USP4: variants seen among roughly 807,000 people sequenced by gnomAD.
USP4 encodes the protein ubiquitin specific peptidase 4.
A neutral mutation model predicts 118.2 loss-of-function variants in USP4; 72 were observed. The observed-to-expected ratio is 0.61, with a 90% CI of 0.50 to 0.74. USP4 has a LOEUF of 0.74. Ranked by LOEUF, USP4 falls within the 30% of genes least tolerant of loss-of-function variation. The pLI is 0.00. For synonymous variants in USP4, 415 were observed against 440.4 expected, an observed-to-expected ratio of 0.94 and a Z score of 0.72; for missense variants, 1,037 against 1,185.7, an observed-to-expected ratio of 0.87 and a Z score of 1.84.
In USP4 at chr3:49,277,420, T is replaced by G. The variant is rs1248163110; in HGVS notation, c.*873A>C. ...GCAGGGATGAGGAAAGAACCCGTTC[T>G]AGAAAGCATCTGGGTAACACCAAAA... On this transcript the variant is annotated 3_prime_UTR_variant, in exon 22 of 22. Coordinates refer to ENST00000265560, the MANE Select transcript of USP4 (RefSeq NM_003363.4). The G allele has an allele frequency of 3.1e-6, 1 of 324,524 alleles. No homozygotes were observed. Among genetic ancestry groups the G allele is most frequent in the Non-Finnish European group, 5.9e-6 (1 of 168,554 alleles). The allele number at this position is 324,524 out of a possible 1,614,324, so 20.1% of individuals were successfully genotyped here.
chr3:49,330,533 A>G (rs186307418), intron 2 of USP4, among the ~76,000 whole-genome samples: 44 of 151,420 alleles, frequency 2.9e-4, no homozygotes, highest in African/African-American at 8.7e-4. Flanking sequence ...GGGTTTCACC[A>G]TGTTAGCCAG....
chr3:49,318,547 G>C, intron 6 of USP4: 1 of 985,346 alleles, frequency 1.0e-6, no homozygotes, highest in Non-Finnish European at 1.2e-6. Context: ...AATTCACATG[G>C]AAGAGAAAAC....
chr3:49,300,075 T>C (rs1239756033), intron 11 of USP4, among the ~76,000 whole-genome samples: 1 of 151,996 alleles, frequency 6.6e-6, no homozygotes, highest in Non-Finnish European at 1.5e-5. Context: ...GTCTCTACTA[T>C]GTCTCTACTA....
rs1383113434 is a variant in USP4, at chr3:49,298,644, C to A, written c.1513-9G>T. 6.2e-7 allele frequency: 1 copy of A among 1,613,888 alleles called. No individual in the cohort carries two copies. Among genetic ancestry groups the A allele is most frequent in the Admixed American group, 1.7e-5 (1 of 60,006 alleles). On this transcript the variant is annotated splice_polypyrimidine_tract_variant and intron_variant, in intron 11 of 21. Coordinates refer to ENST00000265560, the MANE Select transcript of USP4 (RefSeq NM_003363.4). Reference sequence around the variant, plus strand: ...GGCACAGTCACACGGTACTGCAAGACAGAGATGGTCAAGGTCACAGGGGTG... The same window carrying A: ...GGCACAGTCACACGGTACTGCAAGAAAGAGATGGTCAAGGTCACAGGGGTG...
intron 19 of USP4, among the ~76,000 whole-genome samples, chr3:49,283,512 G>A (rs1179669315): frequency 6.6e-6 from 1 of 151,992 alleles, no homozygotes; most frequent in Non-Finnish European, 1.5e-5. Context: ...TGTACTGTGG[G>A]GCTTGAGAGG....
Position 49,335,530 on chromosome 3 carries a change from C to T in USP4, c.168G>A (p.Met56Ile), listed in dbSNP as rs988984184. The change falls in exon 2 of 22, where the codon ATG (methionine) becomes ATA (isoleucine). Residue 56 changes from methionine (M) to isoleucine (I), a missense_variant. Coordinates refer to ENST00000265560, the MANE Select transcript of USP4 (RefSeq NM_003363.4). ...ATAGGTTATGTTCACCCACATTGTA[C>T]ATGTCCCAGCTGTCAAAGCCCACAT... is the stretch of plus-strand genomic sequence containing the variant. ...KKYVGFDSWD[M>I]YNVGEHNLFP... 6.2e-6 allele frequency: 10 copies of T among 1,614,108 alleles called. No homozygotes were observed. The Admixed American group carries it at 8.3e-5, about 13-fold the overall frequency.
intron 1 of USP4, 40 bp from the exon 2 acceptor site, chr3:49,335,636 G>C: frequency 6.2e-7 from 1 of 1,611,030 alleles, no homozygotes; most frequent in Non-Finnish European, 8.5e-7. Flanking sequence ...GAAAAGCTGA[G>C]ATTATAAATT....
rs975458019 is a variant in USP4, at chr3:49,305,681, G to T, written c.1128+34C>A. The T allele has an allele frequency of 3.3e-6, 5 of 1,525,192 alleles. No homozygotes were observed. In the South Asian group the frequency reaches 6.5e-5, roughly 20 times the overall value. 94.5% of individuals were successfully genotyped at this position (1,525,192 alleles called of 1,614,324 possible). ...CTGGTCCCAGGCATCTATATACAGG[G>T]ATACCCAACCCATATATATATATGT... On this transcript the variant is annotated intron_variant, in intron 9 of 21. Coordinates refer to ENST00000265560, the MANE Select transcript of USP4 (RefSeq NM_003363.4).
At chr3:49,307,271 A>G (rs1286098309) in intron 8 of USP4, among the ~76,000 whole-genome samples, 1 of 151,486 alleles carries the variant, frequency 6.6e-6, no homozygotes, top group Non-Finnish European at 1.5e-5. Flanking sequence ...AACATGGTGA[A>G]ACCCCATTCT....
chr3:49,311,430 T>C (rs1191680779), intron 7 of USP4, 84 bp downstream of exon 7: 4 of 1,481,752 alleles, frequency 2.7e-6, no homozygotes, highest in East Asian at 2.3e-5. Flanking sequence ...CCACTATGCT[T>C]AGTGGAGCAG....
chr3:49,280,559 CAAA>C (rs371988656), intron 20 of USP4, among the ~76,000 whole-genome samples, 182 bp downstream of exon 20: 14 of 52,550 alleles, frequency 2.7e-4, no homozygotes, highest in Non-Finnish European at 3.1e-4. Context: ...GACTCCGTCT[CAAA>C]AAAAAAAAAA....
intron 8 of USP4, among the ~76,000 whole-genome samples, chr3:49,309,695 C>T (rs1435015455): frequency 3.0e-5 from 4 of 134,316 alleles, no homozygotes; most frequent in East Asian, 2.5e-4. Context: ...GGCGCAATCT[C>T]GGCTCACTGC....
In USP4 at chr3:49,305,752, G is replaced by T; in HGVS notation, c.1091C>A (p.Ser364Tyr). The change falls in exon 9 of 22, where the codon TCT becomes TAT. Residue 364 changes from serine to tyrosine, a missense_variant. Physicochemically the swap from Ser to Tyr is moderately radical, Grantham distance 144. Around this residue, in one of 3 missense-constraint regions of USP4, gnomAD observed 487 missense variants for 534.1 expected, o/e 0.91. Coordinates refer to ENST00000265560, the MANE Select transcript of USP4 (RefSeq NM_003363.4). ...AGGTGCCACATGGGCGTCCCTTCCA[G>T]ACCACATCTGCTTAATGAGTTCAGC... The part of the protein sequence containing the change: ...AYAELIKQMW[S>Y]GRDAHVAPRM... The T allele has an allele frequency of 6.2e-7, 1 of 1,612,612 alleles. No homozygotes were observed. The highest frequency in any genetic ancestry group is 8.5e-7 in the Non-Finnish European group (1 of 1,179,378).
rs773669515 is a variant in USP4, at chr3:49,309,943, C to CTTTTTTT, written c.954+670_954+676dup. 3.5e-3 allele frequency among the ~76,000 whole-genome samples: 140 copies of CTTTTTTT among 40,212 alleles called. 44 individuals are homozygous for CTTTTTTT. Among genetic ancestry groups the CTTTTTTT allele is most frequent in the African/African-American group, 0.014 (120 of 8,706 alleles). The allele number at this position is 40,212 out of a possible 152,430, so 26.4% of individuals were successfully genotyped here. ...TGCTGCCCCCGGACTTTTTTTTAAT[C>CTTTTTTT]TTTTTTTTTTTTTTTTTTTTTTTGA... On this transcript the variant is annotated intron_variant, in intron 8 of 21. Transcript: ENST00000265560.
rs919522065 is a variant in USP4 at position 49,324,589 on chromosome 3, T to C, written c.695+113A>G. On this transcript the variant is annotated intron_variant, in intron 6 of 21. Coordinates refer to ENST00000265560, the MANE Select transcript of USP4 (RefSeq NM_003363.4). Reference sequence around the variant, plus strand: ...AAGCATGAACTCTGGATATACAAAATAGGCATTGTTCATCTGAATCAGAAC... The same window carrying C: ...AAGCATGAACTCTGGATATACAAAACAGGCATTGTTCATCTGAATCAGAAC... 6.1e-6 allele frequency: 6 copies of C among 985,598 alleles called. No individual in the cohort carries two copies. In the African/African-American group the frequency reaches 9.6e-5, roughly 16 times the overall value. 61.1% of individuals were successfully genotyped at this position (985,598 alleles called of 1,614,324 possible). A position where few individuals can be genotyped will look rare whatever the true frequency, so the allele number is the denominator to read the frequency against.
At chr3:49,311,742 A>C (rs2047385102) in intron 6 of USP4, 88 bp from the exon 7 acceptor site, 1 of 1,504,090 alleles carries the variant, frequency 6.6e-7, no homozygotes. Flanking sequence ...CAAGGAATAA[A>C]TATTCTTCAT....
chr3:49,311,579 G>C lies in USP4; in HGVS notation c.771C>G (p.Ala257=), dbSNP rs188940809. Residue 257 remains alanine (A), a synonymous_variant, in exon 7 of 22, where the codon GCC becomes GCG. Coordinates refer to ENST00000265560, the MANE Select transcript of USP4 (RefSeq NM_003363.4). ...TGCTATCACCATTTGCAATGAGAGAGGCAGACACTGAGGAATAGGGACTTG... is the reference window on the plus strand; with the variant it reads ...TGCTATCACCATTTGCAATGAGAGACGCAGACACTGAGGAATAGGGACTTG... ...SSASPYSSVS[A]SLIANGDSTS... is the part of the protein sequence containing the mutation. 2.2e-5 allele frequency: 35 copies of C among 1,614,004 alleles called. No individual in the cohort carries two copies. In the East Asian group the frequency reaches 7.1e-4, roughly 33 times the overall value.
chr3:49,316,773 G>C, intron 6 of USP4: 2 of 434,508 alleles, frequency 4.6e-6, no homozygotes, highest in Non-Finnish European at 8.3e-6. Flanking sequence ...TGGCTGAGGG[G>C]ACCTCCATGG....
At chr3:49,302,281 G>A in intron 10 of USP4, 103 bp downstream of exon 10, 1 of 1,366,652 alleles carries the variant, frequency 7.3e-7, no homozygotes, top group South Asian at 1.5e-5. Context: ...GAAGCAACCA[G>A]GGCCCTGGCA....
Sources: gnomAD v4.1 joint callset for allele counts (sites outside exome capture counted in the v4.1 genomes callset) on GRCh38, gnomAD v4.1.1 for gene constraint, gnomAD v4.1.1 regional missense constraint, MANE v1.5 for transcripts, NCBI Gene and HGNC (gene_info 2026-07-23, HGNC 2026-07-21) for gene names.